The following FANCC variants were observed in gnomAD, a reference collection of about 807,000 sequenced individuals.
FANCC encodes the protein FA complementation group C.
FANCC carries 55 observed loss-of-function variants against 71.3 expected under a neutral mutation model. That is an observed-to-expected ratio of 0.77 (90% confidence interval 0.62 to 0.97). FANCC has a LOEUF of 0.97. FANCC is among the 50% of genes least tolerant of loss of function. FANCC has a pLI of 0.00. For synonymous variants in FANCC, 275 were observed against 244.9 expected, an observed-to-expected ratio of 1.12 and a Z score of -1.15; for missense variants, 678 against 670.9, an observed-to-expected ratio of 1.01 and a Z score of -0.12.
intron 4 of FANCC, among the ~76,000 whole-genome samples, chr9:95,196,137 A>C (rs958770864): frequency 7.3e-5 from 11 of 151,356 alleles, no homozygotes; most frequent in Non-Finnish European, 1.5e-4. Flanking sequence ...AGTGTCTTGA[A>C]CTTCCAGTGT....
At chr9:95,143,574 A>T (rs1192174519) in intron 7 of FANCC, among the ~76,000 whole-genome samples, 1 of 152,184 alleles carries the variant, frequency 6.6e-6, no homozygotes, top group Non-Finnish European at 1.5e-5. Flanking sequence ...TGAAGACCAA[A>T]TGCACATTTC....
chr9:95,115,681 A>T (rs2072345594), intron 11 of FANCC, among the ~76,000 whole-genome samples: 1 of 152,232 alleles, frequency 6.6e-6, no homozygotes, highest in African/African-American at 2.4e-5. Flanking sequence ...CGAACACACA[A>T]GGAAGGTAAG....
intron 1 of FANCC, among the ~76,000 whole-genome samples, chr9:95,298,162 AC>A (rs1217802714): frequency 6.6e-6 from 1 of 152,154 alleles, no homozygotes; most frequent in Non-Finnish European, 1.5e-5. Context: ...AGAGAAAAGC[AC>A]CCAGATAAGA....
At chr9:95,293,933 T>G in intron 1 of FANCC, 1 of 1,590,756 alleles carries the variant, frequency 6.3e-7, no homozygotes, top group South Asian at 1.1e-5. Flanking sequence ...ACAAGTAACA[T>G]TATAAGCAAC....
At chr9:95,165,533 T>C (rs1359946717) in intron 6 of FANCC, among the ~76,000 whole-genome samples, 1 of 152,076 alleles carries the variant, frequency 6.6e-6, no homozygotes. Flanking sequence ...TTCTTGTAAT[T>C]TGTTCTTTGA....
At chr9:95,191,691 A>C (rs1411421545) in intron 4 of FANCC, among the ~76,000 whole-genome samples, 1 of 152,106 alleles carries the variant, frequency 6.6e-6, no homozygotes, top group Admixed American at 6.5e-5. Context: ...ACCCAAGAAC[A>C]TGATTCTACC....
chr9:95,285,136 G>T (rs1040327860), intron 1 of FANCC, among the ~76,000 whole-genome samples: 2 of 151,784 alleles, frequency 1.3e-5, no homozygotes, highest in African/African-American at 2.4e-5. Flanking sequence ...ATAATATAAA[G>T]GAATTGAGAA....
intron 1 of FANCC, among the ~76,000 whole-genome samples, chr9:95,296,006 C>T (rs549915685): frequency 6.6e-6 from 1 of 152,140 alleles, no homozygotes; most frequent in Admixed American, 6.5e-5. Flanking sequence ...AATAACAAAA[C>T]AGGCAGGGGG....
chr9:95,128,198 T>C (rs1053248248), intron 8 of FANCC, among the ~76,000 whole-genome samples: 7 of 152,172 alleles, frequency 4.6e-5, no homozygotes, highest in Non-Finnish European at 8.8e-5. Flanking sequence ...ACGGAAAATA[T>C]AAAAGTTTCT....
At chr9:95,124,182 T>G (rs1055847334) in intron 10 of FANCC, among the ~76,000 whole-genome samples, 6 of 148,224 alleles carry the variant, frequency 4.0e-5, no homozygotes, top group Non-Finnish European at 7.4e-5. Context: ...GCGGGGGGTG[T>G]GATCTGGTGG....
intron 4 of FANCC, among the ~76,000 whole-genome samples, chr9:95,234,870 T>C (rs921649599): frequency 4.6e-5 from 7 of 152,176 alleles, no homozygotes; most frequent in Non-Finnish European, 8.8e-5. Context: ...AAAAGGACAA[T>C]GTCTCAGTTT....
rs1239295069 is a variant in FANCC, at chr9:95,292,743, G to T, written c.-79+24783C>A. The T allele has an allele frequency of 1.2e-5, 16 of 1,373,884 alleles. No homozygotes were observed. The Admixed American group carries it at 1.5e-4, about 13-fold the overall frequency. The allele number at this position is 1,373,884 out of a possible 1,614,324, so 85.1% of individuals were successfully genotyped here. On this transcript the variant is annotated intron_variant, in intron 1 of 14. Coordinates refer to ENST00000289081, the MANE Select transcript of FANCC (RefSeq NM_000136.3). ...GAAATTCTACTGTTGTCCAATCGAA[G>T]GCTGCCCCAGAGGCCCTGACAGACC...
chr9:95,117,924 G>A (rs2072558544), intron 10 of FANCC, among the ~76,000 whole-genome samples: 1 of 152,156 alleles, frequency 6.6e-6, no homozygotes, highest in Non-Finnish European at 1.5e-5. Context: ...GTTTCTCCAT[G>A]TTGGTCAGGC....
intron 10 of FANCC, among the ~76,000 whole-genome samples, chr9:95,122,932 A>T (rs1721268188): frequency 6.6e-6 from 1 of 152,212 alleles, no homozygotes; most frequent in South Asian, 2.1e-4. Context: ...TCTAGGTGGG[A>T]CCATGGATAG....
At chr9:95,102,692 A>G (rs577173162) in intron 14 of FANCC, among the ~76,000 whole-genome samples, 2 of 152,292 alleles carry the variant, frequency 1.3e-5, no homozygotes, top group Admixed American at 1.3e-4. Flanking sequence ...TCCCAGGACT[A>G]TTCTGGTTTT....
rs139146445 is a variant in FANCC, at chr9:95,172,827, G to C, written c.346-680C>G. ...ATGAACATTTTTCAAGTATCTGAAT[G>C]AGAAAGAACTCTGAGAACTGAAAAT... On this transcript the variant is annotated intron_variant, in intron 4 of 14. Transcript: ENST00000289081. 4.7e-3 allele frequency among the ~76,000 whole-genome samples: 716 copies of C among 152,288 alleles called. 13 individuals carry two copies. The highest frequency in any genetic ancestry group is 0.028 in the Admixed American group (428 of 15,302).
intron 6 of FANCC, among the ~76,000 whole-genome samples, chr9:95,153,606 G>C (rs1830302610): frequency 6.6e-6 from 1 of 152,008 alleles, no homozygotes; most frequent in African/African-American, 2.4e-5. Flanking sequence ...TCATATGCTT[G>C]GCCATTTGTA....
intron 1 of FANCC, among the ~76,000 whole-genome samples, chr9:95,251,242 T>G (rs906237420): frequency 6.6e-6 from 1 of 152,248 alleles, no homozygotes; most frequent in Non-Finnish European, 1.5e-5. Context: ...TCACCGGTAT[T>G]CCTCATAGTA....
At chr9:95,124,309 T>C (rs1237078661) in intron 10 of FANCC, among the ~76,000 whole-genome samples, 1 of 152,022 alleles carries the variant, frequency 6.6e-6, no homozygotes, top group African/African-American at 2.4e-5. Flanking sequence ...AGGCAATGTG[T>C]CCCATAAACA....
Sources: allele counts gnomAD v4.1 joint callset (sites outside exome capture counted in the v4.1 genomes callset), GRCh38; gene constraint gnomAD v4.1.1; transcripts MANE v1.5; gene names NCBI Gene and HGNC (gene_info 2026-07-23, HGNC 2026-07-21).